RGS3: variants seen among roughly 807,000 people sequenced by gnomAD.
RGS3 encodes the protein regulator of G-protein signalling 3.
A neutral mutation model predicts 132.6 loss-of-function variants in RGS3; 80 were observed. That is an observed-to-expected ratio of 0.60 (90% CI 0.50 to 0.73). The LOEUF (loss-of-function observed/expected upper bound fraction) is 0.73. Ranked by LOEUF, RGS3 falls within the 30% of genes least tolerant of loss-of-function variation. RGS3 has a pLI of 0.00. For missense variants in RGS3, 1,382 were observed against 1,530.8 expected (o/e 0.90, Z 1.62); for synonymous variants, 598 against 620.6 (o/e 0.96, Z 0.54).
chr9:113,502,166 C>T (rs1453493273), intron 10 of RGS3, among the ~76,000 whole-genome samples: 1 of 152,128 alleles, frequency 6.6e-6, no homozygotes, highest in Admixed American at 6.5e-5. Context: ...AGGGTTTGGC[C>T]TCTTAGCCTC....
rs889514819 is a variant in RGS3 at position 113,565,383 on chromosome 9, GGAGGAGGAGGAA to G, written c.2038-18055_2038-18044del. 3.9e-6 allele frequency: 5 copies of G among 1,288,990 alleles called. No homozygotes were observed. The Admixed American group carries it at 9.2e-5, about 24-fold the overall frequency. 79.8% of individuals were successfully genotyped at this position (1,288,990 alleles called of 1,614,324 possible). On this transcript the variant is annotated intron_variant, in intron 19 of 24. Transcript: ENST00000350696. The surrounding 1 kb of genome is among the most constrained non-coding windows in gnomAD (Gnocchi z 5.7). ...AGGGTGTGTGTTTGGGAAAGGCGCT[GGAGGAGGAGGAA>G]GAGGAGGAGGACAAGTAGGAGGAGG...
intron 7 of RGS3, among the ~76,000 whole-genome samples, chr9:113,486,877 A>G (rs1239827301): frequency 6.6e-6 from 1 of 152,224 alleles, no homozygotes; most frequent in Non-Finnish European, 1.5e-5. Flanking sequence ...GTATAGTACA[A>G]TAAACCTCAT....
intron 19 of RGS3, chr9:113,581,032 C>CCCGGGGGGGGGGGG: frequency 1.5e-5 from 1 of 67,532 alleles, no homozygotes; most frequent in Non-Finnish European, 2.8e-5. Flanking sequence ...GGGGGTGGGT[C>CCCGGGGGGGGGGGG]GGGGGGAGGT....
chr9:113,541,318 A>G, intron 19 of RGS3: 1 of 1,613,048 alleles, frequency 6.2e-7, no homozygotes, highest in Non-Finnish European at 8.5e-7. Context: ...CTGGTTCCAC[A>G]GAAACTCCAC....
chr9:113,482,315 C>A (rs534752525), intron 4 of RGS3, among the ~76,000 whole-genome samples: 4 of 152,202 alleles, frequency 2.6e-5, no homozygotes, highest in Admixed American at 1.3e-4. Flanking sequence ...AGGCACATTA[C>A]CTCATTTAAT....
intron 1 of RGS3, among the ~76,000 whole-genome samples, chr9:113,448,665 G>A (rs1829171527): frequency 6.6e-6 from 1 of 152,168 alleles, no homozygotes; most frequent in Non-Finnish European, 1.5e-5. Context: ...AGCTCTCTCT[G>A]TCTTCACTAT....
chr9:113,568,062 C>T (rs541184633), intron 19 of RGS3, among the ~76,000 whole-genome samples: 4 of 152,252 alleles, frequency 2.6e-5, no homozygotes, highest in Non-Finnish European at 4.4e-5. Flanking sequence ...AATGTAAAAC[C>T]GCAATTACTT....
In RGS3 at chr9:113,461,756, C is replaced by T. The variant is rs371101949; in HGVS notation, c.130C>T (p.Arg44Cys). The T allele has an allele frequency of 1.1e-5, 17 of 1,614,018 alleles. No homozygotes were observed. Among genetic ancestry groups the T allele is most frequent in the African/African-American group, 6.7e-5 (5 of 74,904 alleles). The change falls in exon 2 of 25, where the codon CGT becomes TGT. Residue 44 changes from arginine to cysteine, a missense_variant. Transcript: ENST00000350696. The stretch of plus-strand genomic sequence containing the variant: ...GCCCAATTTTCTTTCTGGATCTCAC[C>T]GTCCTGAGTGTTGTACCTGCAGGTT...
At chr9:113,448,325 C>G (rs906124403) in intron 1 of RGS3, among the ~76,000 whole-genome samples, 4 of 152,202 alleles carry the variant, frequency 2.6e-5, no homozygotes, top group African/African-American at 4.8e-5. Context: ...TTCTCTCCCC[C>G]CAGCCCCATT....
chr9:113,494,875 TTCTTCTTC>T (rs1005822703), intron 7 of RGS3, among the ~76,000 whole-genome samples: 87 of 152,260 alleles, frequency 5.7e-4, no homozygotes, highest in African/African-American at 1.9e-3. Flanking sequence ...CTTCTTCTTC[TTCTTCTTC>T]TTTTTTTTTG....
intron 10 of RGS3, among the ~76,000 whole-genome samples, chr9:113,499,589 C>T (rs1309246064): frequency 6.6e-6 from 1 of 152,260 alleles, no homozygotes; most frequent in Non-Finnish European, 1.5e-5. Context: ...TTCACTGACT[C>T]AAGTCATTCA....
intron 15 of RGS3, among the ~76,000 whole-genome samples, chr9:113,516,801 A>G (rs1389046614): frequency 2.6e-5 from 4 of 152,000 alleles, no homozygotes; most frequent in Non-Finnish European, 5.9e-5. Context: ...GCCTCAAATG[A>G]TCCTTCCACC....
At chr9:113,510,764 A>G (rs1321875674) in intron 14 of RGS3, among the ~76,000 whole-genome samples, 1 of 152,184 alleles carries the variant, frequency 6.6e-6, no homozygotes, top group African/African-American at 2.4e-5. Context: ...ATTAATAACC[A>G]TGCTAGCTCT....
At chr9:113,597,530 G>C (rs1308823391) in exon 25 of RGS3, 1 of 152,708 alleles carries the variant, frequency 6.5e-6, no homozygotes, top group African/African-American at 2.4e-5. Context: ...AGCTTCAGGG[G>C]ATATGCTCGT....
Position 113,505,378 on chromosome 9 carries a change from T to C in RGS3, c.898-64T>C, listed in dbSNP as rs890632123. On this transcript the variant is annotated intron_variant, in intron 10 of 24. Coordinates refer to ENST00000350696, the Ensembl canonical transcript of RGS3. ...TGGCAGGGGTGGGCTGTGGGCTTCCTGACCTTGGGGTAGAGGCAAGAGCCT... is the reference window on the plus strand; with the variant it reads ...TGGCAGGGGTGGGCTGTGGGCTTCCCGACCTTGGGGTAGAGGCAAGAGCCT... The C allele has an allele frequency of 4.0e-6, 6 of 1,490,888 alleles. 1 individual carries two copies. The highest frequency in any genetic ancestry group is 3.4e-5 in the South Asian group (3 of 87,658). 92.4% of individuals were successfully genotyped at this position (1,490,888 alleles called of 1,614,324 possible).
At chr9:113,584,414 C>A in exon 20 of RGS3, 1 of 1,513,784 alleles carries the variant, frequency 6.6e-7, no homozygotes, top group South Asian at 1.3e-5. Context: ...CTCTTCTTCA[C>A]AGGACACAGG....
chr9:113,472,558 T>C (rs756394545), intron 3 of RGS3, among the ~76,000 whole-genome samples: 36 of 152,128 alleles, frequency 2.4e-4, no homozygotes, highest in Non-Finnish European at 4.3e-4. Context: ...TACATAAGTA[T>C]CCAGAATAGG....
chr9:113,525,449 C>T (rs1316320953), intron 17 of RGS3, among the ~76,000 whole-genome samples: 1 of 152,180 alleles, frequency 6.6e-6, no homozygotes, highest in African/African-American at 2.4e-5. Flanking sequence ...CCTGCTTCCC[C>T]TGTGCCCCAA....
At chr9:113,501,407 GCA>G in intron 10 of RGS3, 2 of 1,444,780 alleles carry the variant, frequency 1.4e-6, no homozygotes, top group Non-Finnish European at 1.8e-6. Flanking sequence ...TCGTGCAGAG[GCA>G]CACAGCACAG....
Sources: allele counts gnomAD v4.1 joint callset (sites outside exome capture counted in the v4.1 genomes callset), GRCh38; gene constraint gnomAD v4.1.1; non-coding constraint Gnocchi (gnomAD v3.1); transcripts MANE v1.5; gene names NCBI Gene and HGNC (gene_info 2026-07-23, HGNC 2026-07-21).